The following GRIN2A variants were observed in gnomAD, a reference collection of about 807,000 sequenced individuals.
GRIN2A encodes glutamate receptor ionotropic, NMDA 2A.
A neutral mutation model predicts 113.4 loss-of-function variants in GRIN2A; 22 were observed. The ratio of observed to expected loss-of-function variants is 0.19; its 90% CI spans 0.14 to 0.28. The LOEUF (loss-of-function observed/expected upper bound fraction) is 0.28, where lower values mean the gene tolerates loss of function less well. Ranked by LOEUF, GRIN2A falls within the 10% of genes least tolerant of loss-of-function variation. GRIN2A has a pLI of 1.00. For synonymous variants in GRIN2A, 827 were observed against 738.4 expected, an observed-to-expected ratio of 1.12 and a Z score of -1.94; for missense variants, 1,502 against 1,887.0, an observed-to-expected ratio of 0.80 and a Z score of 3.78.
intron 2 of GRIN2A, chr16:10,031,603 A>C (rs1406375407): frequency 6.6e-6 from 1 of 152,218 alleles, no homozygotes; most frequent in African/African-American, 2.4e-5. Flanking sequence ...TGGAATGGTG[A>C]ATGTTTCTTA....
At chr16:9,769,453 T>C (rs780300310) in intron 11 of GRIN2A, among the ~76,000 whole-genome samples, 2,904 of 17,890 alleles carry the variant, frequency 0.16, 47 homozygotes, top group African/African-American at 0.26. Context: ...AGTTTTGTCT[T>C]TTTTTTTTTT....
intron 2 of GRIN2A, among the ~76,000 whole-genome samples, chr16:10,038,642 G>A (rs968309374): frequency 2.0e-5 from 3 of 151,886 alleles, no homozygotes; most frequent in Non-Finnish European, 4.4e-5. Context: ...AGGAGATAGA[G>A]ATCATCCTGG....
At chr16:9,960,890 T>G (rs899842267) in intron 2 of GRIN2A, among the ~76,000 whole-genome samples, 1 of 152,242 alleles carries the variant, frequency 6.6e-6, no homozygotes, top group African/African-American at 2.4e-5. Context: ...TCTCCCAAAG[T>G]GCTGGGATTA....
intron 2 of GRIN2A, among the ~76,000 whole-genome samples, chr16:10,061,860 A>G (rs1161660277): frequency 6.6e-6 from 1 of 152,234 alleles, no homozygotes; most frequent in African/African-American, 2.4e-5. Flanking sequence ...CTTCATAAAC[A>G]GAACATAAAG....
chr16:9,912,135 C>T (rs143639493), intron 3 of GRIN2A, among the ~76,000 whole-genome samples: 8 of 150,624 alleles, frequency 5.3e-5, no homozygotes, highest in African/African-American at 1.7e-4. Flanking sequence ...ATGGTAATGA[C>T]GATGACGATA....
chr16:9,859,802 G>A (rs1393863206), intron 4 of GRIN2A, among the ~76,000 whole-genome samples: 4 of 152,044 alleles, frequency 2.6e-5, no homozygotes, highest in Non-Finnish European at 5.9e-5. Context: ...TTCAGGCCTA[G>A]CTCAAATGCC....
At chr16:10,095,563 A>T (rs1409571402) in intron 2 of GRIN2A, among the ~76,000 whole-genome samples, 1 of 152,246 alleles carries the variant, frequency 6.6e-6, no homozygotes. Flanking sequence ...GTGAGTAAAA[A>T]CATGATAAGG....
intron 2 of GRIN2A, chr16:10,171,585 A>G (rs184434132): frequency 1.9e-4 from 29 of 152,316 alleles, no homozygotes; most frequent in Non-Finnish European, 3.4e-4. Context: ...AAATCATTTC[A>G]TGTTAGACCC....
intron 2 of GRIN2A, among the ~76,000 whole-genome samples, chr16:9,991,453 G>T (rs998978653): frequency 6.6e-6 from 1 of 152,146 alleles, no homozygotes; most frequent in Non-Finnish European, 1.5e-5. Context: ...TTGTTATATG[G>T]ATATATTGTG....
At chr16:10,039,567 A>G (rs921189545) in intron 2 of GRIN2A, among the ~76,000 whole-genome samples, 8 of 151,906 alleles carry the variant, frequency 5.3e-5, no homozygotes, top group African/African-American at 1.9e-4. Flanking sequence ...CCTACAGAAC[A>G]GAGGGCAGCG....
intron 10 of GRIN2A, among the ~76,000 whole-genome samples, chr16:9,799,589 G>A (rs1435086830): frequency 6.6e-6 from 1 of 152,204 alleles, no homozygotes; most frequent in Non-Finnish European, 1.5e-5. Flanking sequence ...GAACTTTGCT[G>A]TGTTCCGATA....
At chr16:9,901,653 G>T (rs183410256) in intron 3 of GRIN2A, among the ~76,000 whole-genome samples, 2 of 152,048 alleles carry the variant, frequency 1.3e-5, no homozygotes, top group South Asian at 2.1e-4. Context: ...TAGAGAAGGG[G>T]TTGGTCAGGC....
chr16:9,811,455 C>T (rs2042085143), intron 10 of GRIN2A, among the ~76,000 whole-genome samples: 3 of 152,154 alleles, frequency 2.0e-5, no homozygotes, highest in South Asian at 4.1e-4. Context: ...CATGTGAGTT[C>T]AGCAAGCAAT....
At chr16:10,168,975 C>CAATAATAAT (rs59963663) in intron 2 of GRIN2A, among the ~76,000 whole-genome samples, 29 of 141,542 alleles carry the variant, frequency 2.0e-4, no homozygotes, top group Middle Eastern at 3.6e-3. Context: ...CAAATAATAA[C>CAATAATAAT]AATAATAATA....
intron 2 of GRIN2A, among the ~76,000 whole-genome samples, chr16:9,997,384 T>A (rs2046244667): frequency 6.6e-6 from 1 of 152,238 alleles, no homozygotes; most frequent in African/African-American, 2.4e-5. Context: ...TCTTCCTGTG[T>A]GTAGCCTTCC....
At chr16:9,860,057 T>C (rs948161459) in intron 4 of GRIN2A, among the ~76,000 whole-genome samples, 2 of 151,786 alleles carry the variant, frequency 1.3e-5, no homozygotes, top group African/African-American at 4.8e-5. Context: ...ATGAAGTGAA[T>C]GAAGTGAGAC....
chr16:10,113,735 C>G lies in GRIN2A; in HGVS notation c.414+66263G>C, dbSNP rs367656484. On this transcript the variant is annotated intron_variant, in intron 2 of 12. Coordinates refer to ENST00000330684, the MANE Select transcript of GRIN2A (RefSeq NM_001134407.3). Reference sequence around the variant, plus strand: ...AAATACAGATACATACATACACATGCACATCAATGCACACATATATATGCA... The same window carrying G: ...AAATACAGATACATACATACACATGGACATCAATGCACACATATATATGCA... Among the ~76,000 whole-genome samples the G allele has an allele frequency of 2.6e-4, 40 of 152,232 alleles. No individual in the cohort carries two copies. The East Asian group carries it at 7.7e-3, about 29-fold the overall frequency.
intron 10 of GRIN2A, among the ~76,000 whole-genome samples, chr16:9,820,096 C>A (rs575489528): frequency 2.6e-5 from 4 of 151,916 alleles, no homozygotes; most frequent in Non-Finnish European, 5.9e-5. Flanking sequence ...TTCCAGAAAC[C>A]AATTTGTACA....
chr16:10,019,715 T>A (rs567185354), intron 2 of GRIN2A, among the ~76,000 whole-genome samples: 1 of 152,332 alleles, frequency 6.6e-6, no homozygotes, highest in South Asian at 2.1e-4. Context: ...CAGCGAGGGT[T>A]CAGGACTACC....
Sources: gnomAD v4.1 joint callset for allele counts (sites outside exome capture counted in the v4.1 genomes callset) on GRCh38, gnomAD v4.1.1 for gene constraint, MANE v1.5 for transcripts, NCBI Gene and HGNC (gene_info 2026-07-23, HGNC 2026-07-21) for gene names.